Variants in HPSE2 observed in about 807,000 individuals in gnomAD.
HPSE2 encodes heparanase 2 (inactive), also known as inactive heparanase-2.
A neutral mutation model predicts 60.5 loss-of-function variants in HPSE2; 38 were observed. The ratio of observed to expected loss-of-function variants is 0.63; its 90% CI spans 0.48 to 0.82. The LOEUF is 0.82. HPSE2 is among the 40% of genes least tolerant of loss of function. The pLI, the probability that HPSE2 is intolerant of heterozygous loss-of-function variation, is 0.00. For missense variants in HPSE2, 713 were observed against 740.4 expected, an observed-to-expected ratio of 0.96 and a Z score of 0.43; for synonymous variants, 295 against 293.2, an observed-to-expected ratio of 1.01 and a Z score of -0.06.
intron 3 of HPSE2, among the ~76,000 whole-genome samples, chr10:98,995,824 T>C (rs11189928): frequency 0.1 from 15,555 of 152,070 alleles, 854 homozygotes; most frequent in South Asian, 0.18. Context: ...ACAGACACTT[T>C]ACAAAAGAAA....
chr10:99,185,515 C>T (rs1400775142), intron 2 of HPSE2, among the ~76,000 whole-genome samples: 1 of 152,002 alleles, frequency 6.6e-6, no homozygotes, highest in Non-Finnish European at 1.5e-5. Context: ...TGGCTCATGC[C>T]TGTAATTCCA....
chr10:99,079,176 A>T (rs1843046415), intron 3 of HPSE2, among the ~76,000 whole-genome samples: 1 of 152,128 alleles, frequency 6.6e-6, no homozygotes, highest in African/African-American at 2.4e-5. Context: ...TGGGTCCCTT[A>T]GTTCCCCACA....
At chr10:98,959,947 T>TC (rs1327549158) in intron 3 of HPSE2, among the ~76,000 whole-genome samples, 2 of 151,978 alleles carry the variant, frequency 1.3e-5, no homozygotes, top group African/African-American at 4.8e-5. Flanking sequence ...CAAAGTTTTT[T>TC]CCCCCCACAG....
At chr10:99,094,336 ACT>A (rs1325141377) in intron 3 of HPSE2, among the ~76,000 whole-genome samples, 1 of 151,356 alleles carries the variant, frequency 6.6e-6, no homozygotes, top group African/African-American at 2.4e-5. Context: ...TGCAGAAAAT[ACT>A]CCATGGAGTA....
chr10:99,151,713 A>G (rs1189290502), intron 2 of HPSE2, among the ~76,000 whole-genome samples: 1 of 152,194 alleles, frequency 6.6e-6, no homozygotes, highest in Non-Finnish European at 1.5e-5. Context: ...ACATTTACAA[A>G]GGGCGAAAAG....
At chr10:99,002,433 G>A (rs1371481317) in intron 3 of HPSE2, among the ~76,000 whole-genome samples, 1 of 152,084 alleles carries the variant, frequency 6.6e-6, no homozygotes, top group African/African-American at 2.4e-5. Flanking sequence ...ACCGCAGCCA[G>A]GTGATAAAGG....
At position 99,158,025 on chromosome 10, in the gene HPSE2, A is replaced by G. The variant is rs1201927538; in HGVS notation, c.449-13626T>C. ...AAATGCTCATCATCTCTGGCCATCA[A>G]AGAAATGCAAATCAAAACCACAATG... On this transcript the variant is annotated intron_variant, in intron 2 of 11. Coordinates refer to ENST00000370552, the MANE Select transcript of HPSE2 (RefSeq NM_021828.5). Among the ~76,000 whole-genome samples, 189 of 145,898 alleles carry G rather than the reference A, an allele frequency of 1.3e-3. 2 individuals carry two copies. Among genetic ancestry groups the G allele is most frequent in the African/African-American group, 4.5e-3 (180 of 40,204 alleles).
chr10:98,541,706 T>G (rs1363225566), intron 9 of HPSE2, among the ~76,000 whole-genome samples: 2 of 152,306 alleles, frequency 1.3e-5, no homozygotes, highest in African/African-American at 4.8e-5. Flanking sequence ...CCACGGAGTC[T>G]TGCTGATTGC....
intron 9 of HPSE2, among the ~76,000 whole-genome samples, chr10:98,573,533 A>G (rs522067): frequency 0.85 from 128,718 of 151,902 alleles, 55,850 homozygotes; most frequent in East Asian, 1. Context: ...GTTGTCCCCC[A>G]TTCTAAAAGC....
intron 2 of HPSE2, among the ~76,000 whole-genome samples, chr10:99,187,718 T>C (rs1678090355): frequency 1.3e-5 from 2 of 152,164 alleles, no homozygotes; most frequent in South Asian, 4.1e-4. Context: ...ACTGCTAAAA[T>C]TAAAAAGACT....
At chr10:98,501,073 A>G (rs1942014539) in intron 9 of HPSE2, among the ~76,000 whole-genome samples, 1 of 152,066 alleles carries the variant, frequency 6.6e-6, no homozygotes, top group Admixed American at 6.5e-5. Context: ...AACAAAAAAA[A>G]AAGTCCAAGA....
chr10:98,796,713 T>TG (rs750600441), intron 3 of HPSE2, among the ~76,000 whole-genome samples: 15 of 152,198 alleles, frequency 9.9e-5, no homozygotes, highest in Non-Finnish European at 1.8e-4. Flanking sequence ...CAACAGGCCT[T>TG]GGGCAAGACC....
chr10:98,987,608 A>G, intron 3 of HPSE2, among the ~76,000 whole-genome samples: 1 of 151,904 alleles, frequency 6.6e-6, no homozygotes, highest in Non-Finnish European at 1.5e-5. Context: ...CTCTCTCACC[A>G]CTCCTATTCA....
intron 2 of HPSE2, among the ~76,000 whole-genome samples, chr10:99,145,682 C>T (rs747787420): frequency 3.3e-5 from 5 of 152,176 alleles, no homozygotes; most frequent in Admixed American, 6.5e-5. Flanking sequence ...AACTGCTTTG[C>T]CACTTTTGAC....
intron 3 of HPSE2, among the ~76,000 whole-genome samples, chr10:99,050,738 T>C (rs1028885168): frequency 5.9e-5 from 9 of 152,228 alleles, no homozygotes; most frequent in African/African-American, 1.9e-4. Flanking sequence ...AGGTCATTAG[T>C]ATAAATGAAA....
At chr10:98,907,850 A>C (rs1046195742) in intron 3 of HPSE2, among the ~76,000 whole-genome samples, 4 of 152,200 alleles carry the variant, frequency 2.6e-5, no homozygotes, top group African/African-American at 9.6e-5. Context: ...GTAGATATTC[A>C]ACAAACTATA....
chr10:98,985,458 A>T (rs1011937395), intron 3 of HPSE2, among the ~76,000 whole-genome samples: 2 of 152,226 alleles, frequency 1.3e-5, no homozygotes, highest in African/African-American at 4.8e-5. Context: ...TTTTGTCACC[A>T]CCAGGCCTGC....
chr10:98,732,167 C>T (rs1041512305), intron 4 of HPSE2, among the ~76,000 whole-genome samples: 2 of 151,972 alleles, frequency 1.3e-5, no homozygotes, highest in South Asian at 2.1e-4. Context: ...AATCTAAGCT[C>T]GTGATAGGAA....
intron 3 of HPSE2, among the ~76,000 whole-genome samples, chr10:99,101,084 C>T (rs552135331): frequency 1.4e-4 from 22 of 152,244 alleles, no homozygotes; most frequent in Non-Finnish European, 2.8e-4. Flanking sequence ...CATCAACTAA[C>T]GAGCAAAATA....
Sources: gnomAD v4.1 joint callset for allele counts (sites outside exome capture counted in the v4.1 genomes callset) on GRCh38, gnomAD v4.1.1 for gene constraint, MANE v1.5 for transcripts, NCBI Gene and HGNC (gene_info 2026-07-23, HGNC 2026-07-21) for gene names.